Variants in TMEM132C observed in about 807,000 individuals in gnomAD.
TMEM132C encodes the protein protein phosphatase 1, regulatory subunit 152.
A neutral mutation model predicts 61.4 loss-of-function variants in TMEM132C; 29 were observed. That is an observed-to-expected ratio of 0.47 (90% CI 0.35 to 0.64). The LOEUF (loss-of-function observed/expected upper bound fraction) is 0.64, where lower values mean the gene tolerates loss of function less well. Ranked by LOEUF, TMEM132C falls within the 30% of genes least tolerant of loss-of-function variation. TMEM132C has a pLI of 0.00. For missense variants in TMEM132C, 1,408 were observed against 1,476.9 expected (o/e 0.95, Z 0.76); for synonymous variants, 656 against 633.1 (o/e 1.04, Z -0.54).
chr12:128,415,021 T>G lies in TMEM132C; in HGVS notation c.375T>G (p.Phe125Leu), dbSNP rs1868712171. ...ACTTTTTAGGTCCAACCAATAAGTT[T>G]AGTTTTGATTGGAAACTAAAAGCCC... ...TSNFLGPTNKFSFDWKLKAHI... is the reference protein window; with the variant it reads ...TSNFLGPTNKLSFDWKLKAHI... The change falls in exon 2 of 9, where the codon TTT becomes TTG. Residue 125 changes from phenylalanine (F) to leucine (L), a missense_variant. Physicochemically the swap from Phe to Leu is conservative, Grantham distance 22. Transcript: ENST00000435159. The surrounding 1 kb of genome is among the most constrained non-coding windows in gnomAD (Gnocchi z 5.8). 6.4e-7 allele frequency: 1 copy of G among 1,560,620 alleles called. No individual in the cohort carries two copies. Among genetic ancestry groups the G allele is most frequent in the African/African-American group, 1.4e-5 (1 of 73,332 alleles).
At chr12:128,481,597 C>T (rs1057127301) in intron 2 of TMEM132C, among the ~76,000 whole-genome samples, 3 of 152,232 alleles carry the variant, frequency 2.0e-5, no homozygotes, top group East Asian at 1.9e-4. Flanking sequence ...GGCTCCAAGC[C>T]GCACAGGGAG....
chr12:128,288,364 T>TA (rs1003481588), intron 1 of TMEM132C: 4 of 152,242 alleles, frequency 2.6e-5, no homozygotes, highest in African/African-American at 9.7e-5. Context: ...AGCCCTCTCT[T>TA]ACTTTTAATG....
intron 2 of TMEM132C, among the ~76,000 whole-genome samples, chr12:128,530,524 G>A (rs552965662): frequency 1.5e-4 from 23 of 151,898 alleles, no homozygotes; most frequent in East Asian, 9.7e-4. Flanking sequence ...GCTCACTGCA[G>A]CCTCTGCCTA....
At chr12:128,484,175 G>A (rs1871409099) in intron 2 of TMEM132C, among the ~76,000 whole-genome samples, 1 of 152,168 alleles carries the variant, frequency 6.6e-6, no homozygotes. Flanking sequence ...GCTATCACTG[G>A]TCTCAAGTAA....
rs894320604 is a variant in TMEM132C at position 128,573,912 on chromosome 12, AG to A, written c.1121+29810del. On this transcript the variant is annotated intron_variant, in intron 3 of 8. Coordinates refer to ENST00000435159, the MANE Select transcript of TMEM132C (RefSeq NM_001136103.3). ...TTTTTTGCAATCAAAAAAAAAAAAAAGAGAGTGGTGAAAATAGGACTCCATT... is the reference window on the plus strand; with the variant it reads ...TTTTTTGCAATCAAAAAAAAAAAAAAAGAGTGGTGAAAATAGGACTCCATT... 6.0e-5 allele frequency among the ~76,000 whole-genome samples: 9 copies of A among 150,466 alleles called. No homozygotes were observed. The East Asian group carries it at 1.4e-3, about 23-fold the overall frequency.
chr12:128,627,720 C>T (rs1954029137), intron 4 of TMEM132C, among the ~76,000 whole-genome samples: 1 of 152,236 alleles, frequency 6.6e-6, no homozygotes, highest in African/African-American at 2.4e-5. Context: ...CAACCCCAGA[C>T]AGCAGGTACT....
At chr12:128,635,344 T>G (rs577715617) in intron 4 of TMEM132C, among the ~76,000 whole-genome samples, 184 of 152,300 alleles carry the variant, frequency 1.2e-3, no homozygotes, top group Middle Eastern at 3.4e-3. Flanking sequence ...TGAAAAGGAA[T>G]TGTTAATGGA....
At chr12:128,438,510 G>T (rs1869674058) in intron 2 of TMEM132C, among the ~76,000 whole-genome samples, 1 of 152,120 alleles carries the variant, frequency 6.6e-6, no homozygotes, top group Non-Finnish European at 1.5e-5. Flanking sequence ...CATCAGAATT[G>T]TAAGCCAAAT....
intron 4 of TMEM132C, among the ~76,000 whole-genome samples, chr12:128,665,189 G>C (rs533833109): frequency 1.4e-3 from 147 of 107,142 alleles, no homozygotes; most frequent in Non-Finnish European, 2.3e-3. Context: ...ACACACACAG[G>C]CACATGCACC....
intron 3 of TMEM132C, among the ~76,000 whole-genome samples, chr12:128,561,026 G>A (rs146244557): frequency 0.011 from 1,680 of 152,292 alleles, 35 homozygotes; most frequent in African/African-American, 0.038. Flanking sequence ...GGTTTTGGAA[G>A]GGAAATGCAA....
intron 2 of TMEM132C, among the ~76,000 whole-genome samples, chr12:128,491,246 T>G (rs1471360037): frequency 6.6e-6 from 1 of 152,170 alleles, no homozygotes; most frequent in Non-Finnish European, 1.5e-5. Flanking sequence ...TCAGATGAAT[T>G]TCACCAACTT....
chr12:128,414,586 C>A, intron 1 of TMEM132C, 146 bp from the exon 2 acceptor site: 1 of 822,272 alleles, frequency 1.2e-6, no homozygotes, highest in Non-Finnish European at 1.8e-6. Context: ...ATGACTTATT[C>A]CAGGAAGAAT....
chr12:128,460,136 G>C (rs1238532823), intron 2 of TMEM132C, among the ~76,000 whole-genome samples: 1 of 152,172 alleles, frequency 6.6e-6, no homozygotes. Flanking sequence ...TAACTAGCTA[G>C]AGTGATTTCA....
intron 1 of TMEM132C, among the ~76,000 whole-genome samples, chr12:128,353,774 G>A (rs1170066667): frequency 6.6e-6 from 1 of 152,132 alleles, no homozygotes; most frequent in Non-Finnish European, 1.5e-5. Context: ...CCTGGTAGTA[G>A]TGGCCGCAAC....
chr12:128,484,999 C>T (rs888764700), intron 2 of TMEM132C, among the ~76,000 whole-genome samples: 3 of 151,518 alleles, frequency 2.0e-5, no homozygotes, highest in Non-Finnish European at 2.9e-5. Context: ...AAGGAAGGAG[C>T]GAAGGAAGGA....
At chr12:128,403,152 A>C (rs1314310938) in intron 1 of TMEM132C, among the ~76,000 whole-genome samples, 1 of 152,258 alleles carries the variant, frequency 6.6e-6, no homozygotes, top group Non-Finnish European at 1.5e-5. Context: ...GTTTCAATAA[A>C]AAGGAAACAA....
intron 1 of TMEM132C, among the ~76,000 whole-genome samples, chr12:128,369,920 C>T (rs1389883635): frequency 4.6e-5 from 7 of 152,210 alleles, no homozygotes; most frequent in South Asian, 4.1e-4. Flanking sequence ...TCTGCCACAG[C>T]GTTTCCCTGG....
intron 3 of TMEM132C, among the ~76,000 whole-genome samples, chr12:128,567,408 A>G (rs1177473858): frequency 1.3e-5 from 2 of 150,414 alleles, no homozygotes; most frequent in Non-Finnish European, 2.9e-5. Context: ...AAGAGAGATC[A>G]TAAGTGTCCA....
intron 2 of TMEM132C, among the ~76,000 whole-genome samples, chr12:128,486,777 C>T (rs1305453581): frequency 6.6e-6 from 1 of 152,006 alleles, no homozygotes; most frequent in Non-Finnish European, 1.5e-5. Flanking sequence ...GCCAATGTCA[C>T]CTGAACCGAA....
Sources: allele counts gnomAD v4.1 joint callset (sites outside exome capture counted in the v4.1 genomes callset), GRCh38; gene constraint gnomAD v4.1.1; non-coding constraint Gnocchi (gnomAD v3.1); transcripts MANE v1.5; gene names NCBI Gene and HGNC (gene_info 2026-07-23, HGNC 2026-07-21).